Variants in VIRMA observed in about 807,000 individuals in gnomAD.
The protein encoded by VIRMA is protein virilizer homolog.
Under a neutral mutation model 182.4 loss-of-function variants are expected in VIRMA, and 65 were observed. The observed-to-expected ratio is 0.36, with a 90% CI of 0.29 to 0.44. The LOEUF (loss-of-function observed/expected upper bound fraction) is 0.44. Ranked by LOEUF, VIRMA falls within the 20% of genes least tolerant of loss-of-function variation. VIRMA has a pLI of 1.00. For missense variants in VIRMA, 1,752 were observed against 2,158.1 expected (o/e 0.81, Z 3.73); for synonymous variants, 709 against 743.1 (o/e 0.95, Z 0.75).
chr8:94,499,862 T>C (rs891678223), intron 16 of VIRMA, among the ~76,000 whole-genome samples: 3 of 138,968 alleles, frequency 2.2e-5, no homozygotes, highest in South Asian at 4.3e-4. Context: ...CTGGCCAACA[T>C]AGGGTAACCC....
At position 94,494,965 on chromosome 8, in the gene VIRMA, A is replaced by T; in HGVS notation, c.4545-9T>A. 3 of 1,561,970 alleles carry T rather than the reference A, an allele frequency of 1.9e-6. No homozygotes were observed. Among genetic ancestry groups the T allele is most frequent in the Non-Finnish European group, 2.6e-6 (3 of 1,137,262 alleles). ...CAAGCACATAGGCAGTCCTGGAACA[A>T]GAAAAGTATCTGGTGAAAAGCAGAA... On this transcript the variant is annotated splice_polypyrimidine_tract_variant and intron_variant, in intron 19 of 23. Transcript: ENST00000297591.
chr8:94,525,025 T>C (rs1472625055), intron 8 of VIRMA, among the ~76,000 whole-genome samples: 1 of 152,216 alleles, frequency 6.6e-6, no homozygotes, highest in East Asian at 1.9e-4. Flanking sequence ...CACTGACCCA[T>C]TGATTTCCCA....
rs376380043 is a variant in VIRMA, at chr8:94,499,783, G to A, written c.4098-277C>T. On this transcript the variant is annotated intron_variant, in intron 16 of 23. Transcript: ENST00000297591. The stretch of plus-strand genomic sequence containing the variant: ...CAAGAGGCTGGGTGTGGTGGCTCAC[G>A]CCTGTAATCCGGGCGCTTTGGGAGG... 1.6e-4 allele frequency among the ~76,000 whole-genome samples: 24 copies of A among 151,448 alleles called. 2 individuals are homozygous for A. Among genetic ancestry groups the A allele is most frequent in the East Asian group, 9.7e-4 (5 of 5,142 alleles).
chr8:94,526,183 A>G, intron 8 of VIRMA, 40 bp downstream of exon 8: 2 of 1,467,020 alleles, frequency 1.4e-6, no homozygotes, highest in South Asian at 2.7e-5. Flanking sequence ...GTCTCCAATG[A>G]TTTGTGAAAT....
At chr8:94,510,339 G>GTT (rs745826597) in intron 14 of VIRMA, 78 bp downstream of exon 14, 101 of 1,152,182 alleles carry the variant, frequency 8.8e-5, no homozygotes, top group Non-Finnish European at 1.3e-4. Context: ...CCAAACCCTA[G>GTT]TTTCCAAATT....
chr8:94,551,296 C>CCA (rs1815979035), intron 1 of VIRMA, among the ~76,000 whole-genome samples: 1 of 152,084 alleles, frequency 6.6e-6, no homozygotes, highest in Non-Finnish European at 1.5e-5. Context: ...TTATTTATAC[C>CCA]CACAAAGGGA....
intron 16 of VIRMA, among the ~76,000 whole-genome samples, chr8:94,500,672 T>C (rs1813939990): frequency 7.0e-6 from 1 of 143,502 alleles, no homozygotes; most frequent in African/African-American, 2.7e-5. Context: ...TTTTTTTTTT[T>C]TGAGACGGAG....
chr8:94,527,614 G>T (rs1212013640), intron 7 of VIRMA, among the ~76,000 whole-genome samples: 2 of 152,050 alleles, frequency 1.3e-5, no homozygotes, highest in Non-Finnish European at 2.9e-5. Context: ...AAATTCCTCT[G>T]TATCTGTTCA....
In VIRMA at chr8:94,537,128, G is replaced by A; in HGVS notation, c.290C>T (p.Ser97Phe). Residue 97 changes from serine (S) to phenylalanine (F), a missense_variant, in exon 4 of 24, where the codon TCC (serine) becomes TTC (phenylalanine). Coordinates refer to ENST00000297591, the MANE Select transcript of VIRMA (RefSeq NM_015496.5). Reference sequence around the variant, plus strand: ...CTTTGAGTTAGGTCTAAAGATGATGGAAGTATTCTCATCATATTCCAGGCT... The same window carrying A: ...CTTTGAGTTAGGTCTAAAGATGATGAAAGTATTCTCATCATATTCCAGGCT... ...LGSLEYDENT[S>F]IIFRPNSKVN... The A allele has an allele frequency of 6.2e-7, 1 of 1,604,538 alleles. No homozygotes were observed. The highest frequency in any genetic ancestry group is 8.5e-7 in the Non-Finnish European group (1 of 1,171,360).
At chr8:94,493,004 A>C (rs1381621523) in intron 20 of VIRMA, among the ~76,000 whole-genome samples, 186 bp from the exon 21 acceptor site, 2 of 152,128 alleles carry the variant, frequency 1.3e-5, no homozygotes, top group African/African-American at 2.4e-5. Context: ...ACACACACAC[A>C]CCTTAGTAAT....
Position 94,492,783 on chromosome 8 carries a change from G to C in VIRMA, c.4677C>G (p.Cys1559Trp). Residue 1559 changes from cysteine to tryptophan, a missense_variant, in exon 21 of 24, where the codon TGC (cysteine) becomes TGG (tryptophan). Around this residue, in one of 11 missense-constraint regions of VIRMA, gnomAD observed 777 missense variants for 920.6 expected, o/e 0.84. Transcript: ENST00000297591. ...CTGAGTGCAAATCAAAGTCACTACAGCATTTTTCAGAGAGTTCAATTAAGT... is the reference window on the plus strand; with the variant it reads ...CTGAGTGCAAATCAAAGTCACTACACCATTTTTCAGAGAGTTCAATTAAGT... Reference protein sequence around the residue: ...KVDLIELSEKCCSDFDLHSEL... With the variant: ...KVDLIELSEKWCSDFDLHSEL... 6.2e-7 allele frequency: 1 copy of C among 1,613,618 alleles called. No individual in the cohort carries two copies. The highest frequency in any genetic ancestry group is 8.5e-7 in the Non-Finnish European group (1 of 1,179,754).
chr8:94,496,254 A>T, intron 18 of VIRMA, 74 bp downstream of exon 18: 1 of 1,240,506 alleles, frequency 8.1e-7, no homozygotes, highest in Non-Finnish European at 1.1e-6. Context: ...AAAAAAGGTC[A>T]CTACGAAATA....
At chr8:94,531,157 T>C in intron 5 of VIRMA, 72 bp from the exon 6 acceptor site, 1 of 1,416,934 alleles carries the variant, frequency 7.1e-7, no homozygotes, top group Non-Finnish European at 9.3e-7. Context: ...GGCTTTGAAC[T>C]GTGTGGGTCC....
intron 8 of VIRMA, among the ~76,000 whole-genome samples, chr8:94,521,336 G>A (rs1020611571): frequency 2.6e-5 from 4 of 152,100 alleles, no homozygotes; most frequent in African/African-American, 9.7e-5. Context: ...TTAGTTTGCT[G>A]AGGATAATGG....
Position 94,527,074 on chromosome 8 carries a change from A to C in VIRMA, c.1170T>G (p.Asp390Glu), listed in dbSNP as rs760878535. 1 of 1,613,996 alleles carries C rather than the reference A, an allele frequency of 6.2e-7. No individual in the cohort carries two copies. The highest frequency in any genetic ancestry group is 1.3e-5 in the African/African-American group (1 of 74,904). ...TTGCACCTCTATCTTCTCTATACAA[A>C]TCTAAGAGTTCTGTTAACTTCACTG... ...EASVKLTELL[D>E]LYREDRGAKW... The change falls in exon 8 of 24, where the codon GAT becomes GAG. Residue 390 changes from aspartate (D) to glutamate (E), a missense_variant. Coordinates refer to ENST00000297591, the MANE Select transcript of VIRMA (RefSeq NM_015496.5).
At chr8:94,490,631 G>C (rs1021670551) in intron 22 of VIRMA, among the ~76,000 whole-genome samples, 1 of 152,090 alleles carries the variant, frequency 6.6e-6, no homozygotes, top group Non-Finnish European at 1.5e-5. Context: ...TGGATCACCT[G>C]AGGTCAGGAG....
intron 4 of VIRMA, among the ~76,000 whole-genome samples, chr8:94,536,261 A>G (rs1025147407): frequency 1.3e-5 from 2 of 152,244 alleles, no homozygotes; most frequent in Non-Finnish European, 2.9e-5. Flanking sequence ...AGATAAACAG[A>G]TAACAATGAT....
At chr8:94,540,977 A>G (rs1815529089) in intron 2 of VIRMA, among the ~76,000 whole-genome samples, 1 of 152,138 alleles carries the variant, frequency 6.6e-6, no homozygotes, top group Non-Finnish European at 1.5e-5. Flanking sequence ...ATAAGGTATT[A>G]TATTTACAAA....
At chr8:94,507,885 G>GTATATATGTA (rs777386386) in intron 15 of VIRMA, among the ~76,000 whole-genome samples, 2 of 131,314 alleles carry the variant, frequency 1.5e-5, no homozygotes, top group African/African-American at 2.5e-5. Flanking sequence ...ATATATACAT[G>GTATATATGTA]TATATATGTA....
Sources: gnomAD v4.1 joint callset for allele counts (sites outside exome capture counted in the v4.1 genomes callset) on GRCh38, gnomAD v4.1.1 for gene constraint, gnomAD v4.1.1 regional missense constraint, MANE v1.5 for transcripts, NCBI Gene and HGNC (gene_info 2026-07-23, HGNC 2026-07-21) for gene names.